ZNF385D: variants seen among roughly 807,000 people sequenced by gnomAD.
The protein encoded by ZNF385D is zinc finger protein 385D.
In ZNF385D, 15 loss-of-function variants were observed where a neutral mutation model predicts 35.8. That is an observed-to-expected ratio of 0.42 (90% CI 0.28 to 0.64). The LOEUF (loss-of-function observed/expected upper bound fraction) is 0.64. Ranked by LOEUF, ZNF385D falls within the 30% of genes least tolerant of loss-of-function variation. ZNF385D has a pLI of 0.23. For missense variants in ZNF385D, 474 were observed against 494.6 expected, an observed-to-expected ratio of 0.96 and a Z score of 0.39; for synonymous variants, 212 against 186.8, an observed-to-expected ratio of 1.13 and a Z score of -1.10.
In ZNF385D at chr3:21,954,391, A is replaced by G. The variant is rs144005663; in HGVS notation, c.325+214426T>C. Among the ~76,000 whole-genome samples the G allele has an allele frequency of 1.8e-3, 279 of 152,156 alleles. 1 individual carries two copies. The highest frequency in any genetic ancestry group is 6.5e-3 in the African/African-American group (268 of 41,532). ...TTCTCAAAATTAGAGTTTTTGACAC[A>G]TTCTCATGATGGGAGTTTTTAATTA... On this transcript the variant is annotated intron_variant, in intron 3 of 5. Transcript: ENST00000494108.
At chr3:22,354,406 T>C (rs1436732597) in intron 2 of ZNF385D, among the ~76,000 whole-genome samples, 1 of 152,114 alleles carries the variant, frequency 6.6e-6, no homozygotes, top group Non-Finnish European at 1.5e-5. Context: ...AAAAATATTT[T>C]TCTATCTTTG....
chr3:22,217,855 C>A (rs1386401504), intron 2 of ZNF385D, among the ~76,000 whole-genome samples: 1 of 151,970 alleles, frequency 6.6e-6, no homozygotes, highest in East Asian at 1.9e-4. Context: ...TTTTTCTCCA[C>A]CTCTAACTGC....
At chr3:21,746,493 C>G (rs1201758391) in intron 1 of ZNF385D, among the ~76,000 whole-genome samples, 1 of 152,068 alleles carries the variant, frequency 6.6e-6, no homozygotes, top group Non-Finnish European at 1.5e-5. Context: ...TATTCATGAC[C>G]CTTTCTGATA....
chr3:22,114,921 G>A (rs560777447), intron 3 of ZNF385D, among the ~76,000 whole-genome samples: 1 of 152,146 alleles, frequency 6.6e-6, no homozygotes, highest in East Asian at 1.9e-4. Flanking sequence ...TCCACCATGT[G>A]AAAGCACAGC....
At chr3:21,645,980 C>T (rs1366740778) in intron 2 of ZNF385D, among the ~76,000 whole-genome samples, 1 of 151,862 alleles carries the variant, frequency 6.6e-6, no homozygotes, top group African/African-American at 2.4e-5. Flanking sequence ...CAGCAAATTC[C>T]AAGAATGGAG....
At chr3:21,713,340 C>G (rs1205491338) in intron 1 of ZNF385D, among the ~76,000 whole-genome samples, 1 of 152,166 alleles carries the variant, frequency 6.6e-6, no homozygotes, top group Non-Finnish European at 1.5e-5. Flanking sequence ...CAATCTTCTT[C>G]AATGATGTTT....
chr3:22,125,131 T>G (rs1354698319), intron 3 of ZNF385D, among the ~76,000 whole-genome samples: 1 of 152,170 alleles, frequency 6.6e-6, no homozygotes, highest in African/African-American at 2.4e-5. Flanking sequence ...TTCTTTTGCA[T>G]ACATATGTTC....
chr3:21,919,821 G>A (rs1226594868), intron 3 of ZNF385D, among the ~76,000 whole-genome samples: 2 of 152,144 alleles, frequency 1.3e-5, no homozygotes, highest in African/African-American at 4.8e-5. Flanking sequence ...ATATTATTAA[G>A]TACAAAATGT....
intron 3 of ZNF385D, among the ~76,000 whole-genome samples, chr3:21,963,930 T>C (rs1246012359): frequency 6.6e-6 from 1 of 152,164 alleles, no homozygotes; most frequent in Non-Finnish European, 1.5e-5. Context: ...GCTACTAATA[T>C]TAATGTTATT....
intron 3 of ZNF385D, among the ~76,000 whole-genome samples, chr3:22,122,394 T>A (rs1383234695): frequency 6.6e-6 from 1 of 152,086 alleles, no homozygotes; most frequent in Admixed American, 6.6e-5. Flanking sequence ...CATTTCCCAA[T>A]AATAGTATTT....
chr3:22,296,380 C>T (rs149585290), intron 2 of ZNF385D, among the ~76,000 whole-genome samples: 58 of 152,192 alleles, frequency 3.8e-4, no homozygotes, highest in African/African-American at 1.3e-3. Flanking sequence ...TTGTTGTTGG[C>T]TAGTTCCTCA....
At chr3:22,059,636 C>G (rs1323630189) in intron 3 of ZNF385D, among the ~76,000 whole-genome samples, 1 of 152,092 alleles carries the variant, frequency 6.6e-6, no homozygotes. Flanking sequence ...CTTGGAATGC[C>G]TTTGAGTTCT....
intron 2 of ZNF385D, among the ~76,000 whole-genome samples, chr3:21,570,633 A>G (rs1190712722): frequency 6.6e-6 from 1 of 152,188 alleles, no homozygotes; most frequent in African/African-American, 2.4e-5. Context: ...TTACACTTAC[A>G]GGCACTTTCT....
chr3:21,838,550 GC>G (rs1394888643), intron 3 of ZNF385D, among the ~76,000 whole-genome samples: 1 of 152,026 alleles, frequency 6.6e-6, no homozygotes, highest in Non-Finnish European at 1.5e-5. Flanking sequence ...ATTCCCAACA[GC>G]CACTAAAAAA....
intron 2 of ZNF385D, among the ~76,000 whole-genome samples, chr3:22,216,867 C>A (rs1697921708): frequency 6.6e-6 from 1 of 152,056 alleles, no homozygotes; most frequent in Admixed American, 6.6e-5. Context: ...ATGCCTAATT[C>A]TTCATTTTAT....
chr3:22,222,040 G>T (rs552039568), intron 2 of ZNF385D, among the ~76,000 whole-genome samples: 1 of 151,628 alleles, frequency 6.6e-6, no homozygotes, highest in Non-Finnish European at 1.5e-5. Flanking sequence ...GCAGTGGTGC[G>T]ATCTCAGCTC....
chr3:22,372,271 C>A (rs940368780), intron 2 of ZNF385D, among the ~76,000 whole-genome samples: 2 of 152,132 alleles, frequency 1.3e-5, no homozygotes, highest in Non-Finnish European at 2.9e-5. Context: ...ACCGATAGTG[C>A]GGGATACCGA....
chr3:21,989,647 T>C (rs549414164), intron 3 of ZNF385D, among the ~76,000 whole-genome samples: 1 of 151,708 alleles, frequency 6.6e-6, no homozygotes, highest in Non-Finnish European at 1.5e-5. Flanking sequence ...TGCATGTTCT[T>C]ATGACATCAT....
At chr3:21,899,229 T>C (rs961806493) in intron 3 of ZNF385D, among the ~76,000 whole-genome samples, 2 of 152,100 alleles carry the variant, frequency 1.3e-5, no homozygotes, top group Admixed American at 1.3e-4. Context: ...AAAAATTATC[T>C]GGCCCAAAGT....
Sources: gnomAD v4.1 joint callset for allele counts (sites outside exome capture counted in the v4.1 genomes callset) on GRCh38, gnomAD v4.1.1 for gene constraint, MANE v1.5 for transcripts, NCBI Gene and HGNC (gene_info 2026-07-23, HGNC 2026-07-21) for gene names.